Variants in IL20RA observed in about 807,000 individuals in gnomAD.
IL20RA encodes the protein interleukin-20 receptor subunit alpha.
A neutral mutation model predicts 36.5 loss-of-function variants in IL20RA; 29 were observed. That is an observed-to-expected ratio of 0.79 (90% confidence interval 0.59 to 1.08). The LOEUF (loss-of-function observed/expected upper bound fraction) is 1.08, where lower values mean the gene tolerates loss of function less well. IL20RA is among the 50% of genes least tolerant of loss of function. IL20RA has a pLI of 0.00. For synonymous variants in IL20RA, 279 were observed against 267.1 expected (o/e 1.04, Z -0.43); for missense variants, 652 against 668.4 (o/e 0.98, Z 0.27).
chr6:137,043,360 G>T (rs1416829929), intron 1 of IL20RA, among the ~76,000 whole-genome samples: 1 of 152,042 alleles, frequency 6.6e-6, no homozygotes, highest in Non-Finnish European at 1.5e-5. Context: ...CTATGTCTCT[G>T]TCTCTCAAAG....
intron 5 of IL20RA, among the ~76,000 whole-genome samples, chr6:137,005,554 A>G (rs573337474): frequency 6.6e-6 from 1 of 152,324 alleles, no homozygotes; most frequent in South Asian, 2.1e-4. Context: ...TATACTTGGA[A>G]GTTGTGATGG....
At chr6:137,030,177 C>T (rs1440869688) in intron 1 of IL20RA, among the ~76,000 whole-genome samples, 1 of 142,406 alleles carries the variant, frequency 7.0e-6, no homozygotes, top group Non-Finnish European at 1.5e-5. Flanking sequence ...AAATCCTGGG[C>T]TCAAGTGGTC....
chr6:137,001,569 T>C lies in IL20RA; in HGVS notation c.1651A>G (p.Met551Val), dbSNP rs750673622. The change falls in exon 7 of 7, where the codon ATG becomes GTG. Residue 551 changes from methionine (M) to valine (V), a missense_variant. Coordinates refer to ENST00000316649, the MANE Select transcript of IL20RA (RefSeq NM_014432.4). ...FMEEWGLYVQ[M>V]EN ...AGGAAGTGTTGGCATCAGTTTTCCA[T>C]CTGCACATATAACCCCCATTCCTCC... 1 of 1,551,848 alleles carries C rather than the reference T, an allele frequency of 6.4e-7. No individual in the cohort carries two copies. Among genetic ancestry groups the C allele is most frequent in the African/African-American group, 1.4e-5 (1 of 72,770 alleles).
rs912655513 is a variant in IL20RA, at chr6:137,030,562, A to G, written c.89-13459T>C. On this transcript the variant is annotated intron_variant, in intron 1 of 6. Transcript: ENST00000316649. ...ATAAAGACCACATGTCCCCATCATC[A>G]GCTTTCCCAAAGTTTTATATTTATG... is the stretch of plus-strand genomic sequence containing the variant. 3.3e-5 allele frequency among the ~76,000 whole-genome samples: 5 copies of G among 152,312 alleles called. No individual in the cohort carries two copies. In the East Asian group the frequency reaches 9.7e-4, roughly 29 times the overall value.
At chr6:137,007,723 T>C (rs1473171497) in intron 5 of IL20RA, among the ~76,000 whole-genome samples, 1 of 151,984 alleles carries the variant, frequency 6.6e-6, no homozygotes, top group Non-Finnish European at 1.5e-5. Context: ...AGGAGATAAA[T>C]AAAAGGAAAT....
At chr6:137,031,727 T>A (rs1038803738) in intron 1 of IL20RA, among the ~76,000 whole-genome samples, 1 of 152,146 alleles carries the variant, frequency 6.6e-6, no homozygotes, top group African/African-American at 2.4e-5. Context: ...TAATCCTGTA[T>A]CAGGTTGTGA....
intron 1 of IL20RA, among the ~76,000 whole-genome samples, chr6:137,018,492 T>TC (rs1394870189): frequency 6.8e-6 from 1 of 148,146 alleles, no homozygotes; most frequent in Non-Finnish European, 1.5e-5. Flanking sequence ...AGAAGCACAA[T>TC]CAATTGACCA....
Position 137,001,510 on chromosome 6 carries a change from G to T in IL20RA, c.*48C>A. 1.4e-6 allele frequency: 2 copies of T among 1,479,516 alleles called. No individual in the cohort carries two copies. Among genetic ancestry groups the T allele is most frequent in the South Asian group, 1.4e-5 (1 of 71,362 alleles). The allele number at this position is 1,479,516 out of a possible 1,614,324, so 91.6% of individuals were successfully genotyped here. On this transcript the variant is annotated 3_prime_UTR_variant, in exon 7 of 7. Transcript: ENST00000316649. ...ACTTTATGGCTGGGATCAAAGGGGTGACTCACTTGTTTGCACAGGAAACAA... is the reference window on the plus strand; with the variant it reads ...ACTTTATGGCTGGGATCAAAGGGGTTACTCACTTGTTTGCACAGGAAACAA...
At chr6:137,017,364 G>A (rs1775737094) in intron 1 of IL20RA, among the ~76,000 whole-genome samples, 1 of 152,126 alleles carries the variant, frequency 6.6e-6, no homozygotes, top group Admixed American at 6.6e-5. Flanking sequence ...GAGATTGCAC[G>A]AAGAGAGGCT....
In IL20RA at chr6:137,004,714, C is replaced by A; in HGVS notation, c.771G>T (p.Leu257Phe). ...AAAGAAACACGGTAATAGATACGGG[C>A]AAAACATACCAGAAGATGATTTTAG... ...FKAKIIFWYV[L>F]PVSITVFLFS... The change falls in exon 6 of 7, where the codon TTG becomes TTT. Residue 257 changes from leucine (L) to phenylalanine (F), a missense_variant. Leu to Phe is a conservative substitution (Grantham distance 22, BLOSUM62 0). Coordinates refer to ENST00000316649, the MANE Select transcript of IL20RA (RefSeq NM_014432.4). 5 of 1,601,762 alleles carry A rather than the reference C, an allele frequency of 3.1e-6. No individual in the cohort carries two copies. The highest frequency in any genetic ancestry group is 4.2e-6 in the Non-Finnish European group (5 of 1,176,862).
rs780864187 is a variant in IL20RA at position 137,020,502 on chromosome 6, AAC to A, written c.89-3401_89-3400del. 3.1e-3 allele frequency among the ~76,000 whole-genome samples: 316 copies of A among 102,384 alleles called. 7 individuals carry two copies. The highest frequency in any genetic ancestry group is 5.8e-3 in the East Asian group (15 of 2,572). The allele number at this position is 102,384 out of a possible 152,430, so 67.2% of individuals were successfully genotyped here. ...GACCAATCACTAAAAAAAAAAAAAA[AAC>A]CCCTCCATTCCCAATAATTTAATAA... On this transcript the variant is annotated intron_variant, in intron 1 of 6. Coordinates refer to ENST00000316649, the MANE Select transcript of IL20RA (RefSeq NM_014432.4).
chr6:137,041,718 T>C (rs1776699559), intron 1 of IL20RA, among the ~76,000 whole-genome samples: 1 of 152,194 alleles, frequency 6.6e-6, no homozygotes, highest in African/African-American at 2.4e-5. Flanking sequence ...GACTGCAATC[T>C]AAAGCTCCAA....
At chr6:137,009,635 T>A (rs1276074697) in intron 3 of IL20RA, 143 bp from the exon 4 acceptor site, 2 of 544,708 alleles carry the variant, frequency 3.7e-6, no homozygotes, top group East Asian at 6.0e-5. Context: ...AGATGGAGTC[T>A]TGCCCCCTCG....
chr6:137,012,791 T>C (rs1351578466), intron 2 of IL20RA, among the ~76,000 whole-genome samples: 4 of 152,216 alleles, frequency 2.6e-5, no homozygotes, highest in African/African-American at 9.7e-5. Context: ...AAAGAGGATA[T>C]GTCCATGTAT....
At chr6:137,016,621 G>A (rs868155131) in intron 2 of IL20RA, among the ~76,000 whole-genome samples, 6 of 152,226 alleles carry the variant, frequency 3.9e-5, no homozygotes, top group Middle Eastern at 3.4e-3. Flanking sequence ...AAATGTGCAC[G>A]CGGTTTCAAG....
chr6:137,029,261 G>T (rs547384684), intron 1 of IL20RA, among the ~76,000 whole-genome samples: 4 of 151,940 alleles, frequency 2.6e-5, no homozygotes, highest in Non-Finnish European at 1.5e-5. Context: ...TAATCCCAGC[G>T]CTTTGGGAGG....
At position 137,001,806 on chromosome 6, in the gene IL20RA, C is replaced by A. The variant is rs1440613892; in HGVS notation, c.1414G>T (p.Glu472Ter). 1.2e-6 allele frequency: 2 copies of A among 1,613,252 alleles called. No individual in the cohort carries two copies. The highest frequency in any genetic ancestry group is 1.7e-6 in the Non-Finnish European group (2 of 1,179,538). ...ACCAGGGTCGTCGATGGCTCTTCCT[C>A]CGGCCCCTCCTCCGAGTCTGTGTGC... ...QEHTDSEEGP[E>*]EEPSTTLVDW... Residue 472 changes from glutamate (E) to a stop codon, truncating the protein, a stop_gained, in exon 7 of 7, where the codon GAG becomes TAG. Transcript: ENST00000316649. LOFTEE classifies it low-confidence loss of function (END_TRUNC).
At chr6:137,043,370 G>C (rs2115434618) in intron 1 of IL20RA, among the ~76,000 whole-genome samples, 1 of 152,240 alleles carries the variant, frequency 6.6e-6, no homozygotes, top group Middle Eastern at 3.4e-3. Flanking sequence ...GTCTCTCAAA[G>C]TGTTAGGATT....
Position 137,044,862 on chromosome 6 carries a change from C to T in IL20RA, c.-134G>A, listed in dbSNP as rs1776848886. ...TGCCACGCTCCAGGCGACCTGAGTC[C>T]CAGGGCGCCTCCGCCACAGCCGCGT... On this transcript the variant is annotated 5_prime_UTR_variant, in exon 1 of 7. Coordinates refer to ENST00000316649, the MANE Select transcript of IL20RA (RefSeq NM_014432.4). The T allele has an allele frequency of 2.4e-6, 2 of 826,158 alleles. No homozygotes were observed. The highest frequency in any genetic ancestry group is 3.2e-6 in the Non-Finnish European group (2 of 629,800). The allele number at this position is 826,158 out of a possible 1,614,324, so 51.2% of individuals were successfully genotyped here.
Sources: allele counts gnomAD v4.1 joint callset (sites outside exome capture counted in the v4.1 genomes callset), GRCh38; gene constraint gnomAD v4.1.1; transcripts MANE v1.5; gene names NCBI Gene and HGNC (gene_info 2026-07-23, HGNC 2026-07-21).